RTN4: variants seen among roughly 807,000 people sequenced by gnomAD.
RTN4 encodes the protein reticulon-4.
RTN4 carries 32 observed loss-of-function variants against 90.4 expected under a neutral mutation model. The ratio of observed to expected loss-of-function variants is 0.35; its 90% confidence interval spans 0.27 to 0.48. The LOEUF is 0.48. Ranked by LOEUF, RTN4 falls within the 20% of genes least tolerant of loss-of-function variation. The pLI is 0.99. For synonymous variants in RTN4, 629 were observed against 552.5 expected, an observed-to-expected ratio of 1.14 and a Z score of -1.94; for missense variants, 1,706 against 1,430.2, an observed-to-expected ratio of 1.19 and a Z score of -3.11.
At chr2:55,082,596 T>A (rs1668742225) in intron 1 of RTN4, among the ~76,000 whole-genome samples, 1 of 152,200 alleles carries the variant, frequency 6.6e-6, no homozygotes, top group Non-Finnish European at 1.5e-5. Flanking sequence ...AATCCTAAAT[T>A]TCTGCAAAGC....
chr2:55,025,104 C>G lies in RTN4; in HGVS notation c.2995G>C (p.Glu999Gln), dbSNP rs372405619. ...GGATTACCTGAAGTTTTACTCAGCT[C>G]TGCTGAAAATATAGCAGATGGTGAT... ...DRSPSAIFSAELSKTSVVDLL... is the reference protein window; with the variant it reads ...DRSPSAIFSAQLSKTSVVDLL... The change falls in exon 3 of 9, where the codon GAG (glutamate) becomes CAG (glutamine). Residue 999 changes from glutamate (E) to glutamine (Q), a missense_variant. Physicochemically the swap from Glu to Gln is conservative, Grantham distance 29. Coordinates refer to ENST00000337526, the MANE Select transcript of RTN4 (RefSeq NM_020532.5). 1.6e-5 allele frequency: 25 copies of G among 1,606,534 alleles called. No individual in the cohort carries two copies. The highest frequency in any genetic ancestry group is 2.7e-5 in the African/African-American group (2 of 74,496).
chr2:55,116,849 G>A (rs141232219), upstream of RTN4, among the ~76,000 whole-genome samples: 545 of 150,350 alleles, frequency 3.6e-3, 4 homozygotes, highest in African/African-American at 0.013. Context: ...TTTATGCATA[G>A]CTGTTTCTTT....
chr2:54,992,233 T>A (rs561094918), intron 3 of RTN4, among the ~76,000 whole-genome samples: 3 of 152,048 alleles, frequency 2.0e-5, no homozygotes, highest in South Asian at 2.1e-4. Context: ...TAGACCCAGA[T>A]CACATCATTA....
the RTN4 span, among the ~76,000 whole-genome samples, chr2:55,121,855 A>G: frequency 6.6e-6 from 1 of 152,136 alleles, no homozygotes; most frequent in Non-Finnish European, 1.5e-5. Context: ...TTGTCATGTC[A>G]TGTTACTCAC....
chr2:55,002,538 T>C (rs1486303705), intron 3 of RTN4, among the ~76,000 whole-genome samples: 1 of 152,058 alleles, frequency 6.6e-6, no homozygotes. Flanking sequence ...GTTTACTTCA[T>C]TAGTTCATGT....
At position 55,030,624 on chromosome 2, in the gene RTN4, G is replaced by C. The variant is rs1391784950; in HGVS notation, c.557-2404C>G. Among the ~76,000 whole-genome samples the C allele has an allele frequency of 2.6e-5, 4 of 152,230 alleles. 1 individual carries two copies. In the East Asian group the frequency reaches 7.7e-4, roughly 29 times the overall value. ...CTAAAAATGTTGTGAAGGAGGGAGA[G>C]GGAAAGAAAAAAGAAGAAACAACTT... On this transcript the variant is annotated intron_variant, in intron 1 of 8. Coordinates refer to ENST00000337526, the MANE Select transcript of RTN4 (RefSeq NM_020532.5).
chr2:55,125,977 T>C, the RTN4 span, among the ~76,000 whole-genome samples: 5 of 148,284 alleles, frequency 3.4e-5, no homozygotes, highest in African/African-American at 1.2e-4. Context: ...GGGAGAATGG[T>C]GTGAACCTGA....
chr2:55,108,827 A>AAT (rs1393635514), intron 1 of RTN4, among the ~76,000 whole-genome samples: 1 of 152,132 alleles, frequency 6.6e-6, no homozygotes, highest in Non-Finnish European at 1.5e-5. Context: ...CTATGACTAA[A>AAT]ATCCCAAAAA....
chr2:55,120,683 GCTC>G, the RTN4 span, among the ~76,000 whole-genome samples: 1 of 152,194 alleles, frequency 6.6e-6, no homozygotes, highest in East Asian at 1.9e-4. Context: ...AAGCCCTCAA[GCTC>G]TGACTGAGAA....
chr2:55,003,137 T>C (rs966308821), intron 3 of RTN4, among the ~76,000 whole-genome samples: 1 of 151,974 alleles, frequency 6.6e-6, no homozygotes, highest in African/African-American at 2.4e-5. Context: ...GGGGAAGAGC[T>C]CAAAGCAAAT....
chr2:55,060,915 G>C (rs1414451193), intron 2 of RTN4, among the ~76,000 whole-genome samples: 1 of 152,084 alleles, frequency 6.6e-6, no homozygotes, highest in Non-Finnish European at 1.5e-5. Context: ...GCACAATCCT[G>C]TCTCAAAATA....
In RTN4 at chr2:54,974,077, G is replaced by C. The variant is rs554871782; in HGVS notation, c.3431-210C>G. ...TGTGAGGCTGCAGTTATTAGAGCTA[G>C]GAACCATTTCTAGCTTCAAATCATA... On this transcript the variant is annotated intron_variant, in intron 6 of 8. Coordinates refer to ENST00000337526, the MANE Select transcript of RTN4 (RefSeq NM_020532.5). 1.1e-4 allele frequency: 55 copies of C among 491,292 alleles called. No homozygotes were observed. In the South Asian group the frequency reaches 1.2e-3, roughly 10 times the overall value. 30.4% of individuals were successfully genotyped at this position (491,292 alleles called of 1,614,324 possible). A position where few individuals can be genotyped will look rare whatever the true frequency, so the allele number is the denominator to read the frequency against.
At chr2:55,048,040 T>C (rs1667866574) in intron 1 of RTN4, among the ~76,000 whole-genome samples, 1 of 152,208 alleles carries the variant, frequency 6.6e-6, no homozygotes. Context: ...TACATACCTA[T>C]ATGTAGGCTA....
rs1681941276 is a variant in RTN4, at chr2:55,026,970, C to T, written c.1129G>A (p.Glu377Lys). ...GCATATTCCTCCCTCATAGGAGCTT[C>T]CACTGCAACTCTCTTTTCATTAAAA... ...DSFNEKRVAV[E>K]APMREEYADF... The change falls in exon 3 of 9, where the codon GAA (glutamate) becomes AAA (lysine). Residue 377 changes from glutamate to lysine, a missense_variant. Transcript: ENST00000337526. 2 of 1,613,458 alleles carry T rather than the reference C, an allele frequency of 1.2e-6. No homozygotes were observed. The highest frequency in any genetic ancestry group is 1.7e-6 in the Non-Finnish European group (2 of 1,179,880).
rs530921271 is a variant in RTN4, at chr2:54,972,795, CTTTTTT to C, written c.*355_*360del. On this transcript the variant is annotated 3_prime_UTR_variant, in exon 9 of 9. Coordinates refer to ENST00000337526, the MANE Select transcript of RTN4 (RefSeq NM_020532.5). ...TACACAGTGCACAAACTGAAAAGGG[CTTTTTT>C]TTTTTTTTTTCTAGCTCCACCATCT... The C allele has an allele frequency of 2.7e-5, 4 of 150,036 alleles. No individual in the cohort carries two copies. Among genetic ancestry groups the C allele is most frequent in the Non-Finnish European group, 5.5e-5 (4 of 72,110 alleles). The allele number at this position is 150,036 out of a possible 1,614,324, so 9.3% of individuals were successfully genotyped here. A position where few individuals can be genotyped will look rare whatever the true frequency, so the allele number is the denominator to read the frequency against.
intron 3 of RTN4, among the ~76,000 whole-genome samples, chr2:54,991,184 T>A (rs1423372359): frequency 6.6e-6 from 1 of 152,144 alleles, no homozygotes; most frequent in Non-Finnish European, 1.5e-5. Flanking sequence ...TGGTGAGAAG[T>A]TAAAGTAAAT....
chr2:55,136,207 T>C, the RTN4 span, among the ~76,000 whole-genome samples: 1 of 152,136 alleles, frequency 6.6e-6, no homozygotes, highest in Non-Finnish European at 1.5e-5. Flanking sequence ...CAGGGCAAAG[T>C]TTCACTGGTC....
intron 1 of RTN4, among the ~76,000 whole-genome samples, chr2:55,081,893 G>A (rs1334568299): frequency 6.7e-6 from 1 of 149,756 alleles, no homozygotes; most frequent in Non-Finnish European, 1.5e-5. Flanking sequence ...GAGTGAGAGA[G>A]AGATCTATCC....
chr2:55,033,347 G>T (rs1410487274), intron 1 of RTN4, among the ~76,000 whole-genome samples: 1 of 152,170 alleles, frequency 6.6e-6, no homozygotes, highest in Non-Finnish European at 1.5e-5. Context: ...ATTATATACA[G>T]ATGATCCTCA....
Sources: gnomAD v4.1 joint callset for allele counts (sites outside exome capture counted in the v4.1 genomes callset) on GRCh38, gnomAD v4.1.1 for gene constraint, MANE v1.5 for transcripts, NCBI Gene and HGNC (gene_info 2026-07-23, HGNC 2026-07-21) for gene names.